Variants in ARF4 observed in about 807,000 individuals in gnomAD.
The protein encoded by ARF4 is ADP-ribosylation factor 4.
Under a neutral mutation model 24.3 loss-of-function variants are expected in ARF4, and 5 were observed. The ratio of observed to expected loss-of-function variants is 0.21; its 90% CI spans 0.11 to 0.43. The LOEUF is 0.43. ARF4 is among the 20% of genes least tolerant of loss of function. The pLI, the probability that ARF4 is intolerant of heterozygous loss-of-function variation, is 1.00. For missense variants in ARF4, 107 were observed against 213.0 expected, an observed-to-expected ratio of 0.50 and a Z score of 3.10; for synonymous variants, 62 against 73.5, an observed-to-expected ratio of 0.84 and a Z score of 0.80.
At chr3:57,587,795 A>G (rs2070057137) in intron 1 of ARF4, among the ~76,000 whole-genome samples, 1 of 152,230 alleles carries the variant, frequency 6.6e-6, no homozygotes, top group Non-Finnish European at 1.5e-5. Context: ...TTAAGTATCC[A>G]CAAATTATTT....
intron 1 of ARF4, among the ~76,000 whole-genome samples, chr3:57,590,400 C>A (rs113572012): frequency 0.14 from 20,490 of 151,030 alleles, 1,470 homozygotes; most frequent in South Asian, 0.21. Context: ...GCAGGAGAAT[C>A]GCTTGAACCC....
intron 1 of ARF4, among the ~76,000 whole-genome samples, chr3:57,588,914 C>A (rs1283706430): frequency 6.6e-6 from 1 of 152,102 alleles, no homozygotes; most frequent in Admixed American, 6.6e-5. Context: ...ACCAGCCTGA[C>A]CAACATGGAG....
At chr3:57,589,459 C>T (rs2070079123) in intron 1 of ARF4, among the ~76,000 whole-genome samples, 1 of 152,202 alleles carries the variant, frequency 6.6e-6, no homozygotes, top group African/African-American at 2.4e-5. Context: ...GTGGCTCACA[C>T]CTGTAATCCC....
intron 5 of ARF4, among the ~76,000 whole-genome samples, chr3:57,573,274 C>T (rs950189689): frequency 6.6e-6 from 1 of 151,830 alleles, no homozygotes; most frequent in Non-Finnish European, 1.5e-5. Context: ...CAGACAATTT[C>T]ACCATCTTTA....
chr3:57,575,305 C>CAA (rs11294059), intron 5 of ARF4, among the ~76,000 whole-genome samples: 10 of 135,008 alleles, frequency 7.4e-5, no homozygotes, highest in African/African-American at 2.8e-4. Context: ...CCTCTCCCTT[C>CAA]AAAAAAAAAA....
At position 57,582,247 on chromosome 3, in the gene ARF4, A is replaced by G. The variant is rs557816896; in HGVS notation, c.258+1651T>C. On this transcript the variant is annotated intron_variant, in intron 3 of 5. Coordinates refer to ENST00000303436, the MANE Select transcript of ARF4 (RefSeq NM_001660.4). The stretch of plus-strand genomic sequence containing the variant: ...TATTGATGACCATAAACATTCTACT[A>G]TTTTTTTTTTTTTGAGACAGAGTCT... Among the ~76,000 whole-genome samples the G allele has an allele frequency of 2.8e-5, 4 of 144,540 alleles. No homozygotes were observed. In the South Asian group the frequency reaches 8.7e-4, roughly 31 times the overall value. 94.8% of individuals were successfully genotyped at this position (144,540 alleles called of 152,430 possible). A position where few individuals can be genotyped will look rare whatever the true frequency, so the allele number is the denominator to read the frequency against.
Position 57,583,820 on chromosome 3 carries a change from T to A in ARF4, c.258+78A>T, listed in dbSNP as rs1008450232. On this transcript the variant is annotated intron_variant, in intron 3 of 5. Coordinates refer to ENST00000303436, the MANE Select transcript of ARF4 (RefSeq NM_001660.4). ...CTCATAGTAAACACCAATATCCAAG[T>A]AAATACTAGATACTAATAAAAACTT... 6 of 986,288 alleles carry A rather than the reference T, an allele frequency of 6.1e-6. No homozygotes were observed. In the African/African-American group the frequency reaches 1.0e-4, roughly 16 times the overall value. The allele number at this position is 986,288 out of a possible 1,614,324, so 61.1% of individuals were successfully genotyped here.
At chr3:57,583,564 A>G (rs1350644245) in intron 3 of ARF4, among the ~76,000 whole-genome samples, 1 of 152,230 alleles carries the variant, frequency 6.6e-6, no homozygotes, top group African/African-American at 2.4e-5. Context: ...TACATTCATC[A>G]GAAACTACAA....
chr3:57,581,127 A>G lies in ARF4; in HGVS notation c.258+2771T>C, dbSNP rs186195799. On this transcript the variant is annotated intron_variant, in intron 3 of 5. Coordinates refer to ENST00000303436, the MANE Select transcript of ARF4 (RefSeq NM_001660.4). ...TTACAATGGCAAATTAGTTGGAATT[A>G]TAAGAGGAATTTACTACACACTGTG... Among the ~76,000 whole-genome samples, 853 of 152,366 alleles carry G rather than the reference A, an allele frequency of 5.6e-3. 7 individuals carry two copies. The highest frequency in any genetic ancestry group is 8.7e-3 in the Non-Finnish European group (589 of 68,042).
chr3:57,583,754 T>A, intron 3 of ARF4, 144 bp downstream of exon 3: 2 of 649,698 alleles, frequency 3.1e-6, no homozygotes, highest in South Asian at 1.9e-5. Flanking sequence ...TAAGTGAGAG[T>A]CCACTGAAGA....
At chr3:57,580,590 TA>T (rs2069958520) in intron 3 of ARF4, among the ~76,000 whole-genome samples, 1 of 151,512 alleles carries the variant, frequency 6.6e-6, no homozygotes, top group East Asian at 2.0e-4. Context: ...TTTTTTTTTG[TA>T]GAGACAGGGT....
rs571410273 is a variant in ARF4 at position 57,574,192 on chromosome 3, G to C, written c.456+1356C>G. ...CTGACCTCATGATCCACCCACCTCA[G>C]CCTCCTAAAGTGCTGGGATTACAGG... On this transcript the variant is annotated intron_variant, in intron 5 of 5. Transcript: ENST00000303436. Among the ~76,000 whole-genome samples, 262 of 152,152 alleles carry C rather than the reference G, an allele frequency of 1.7e-3. 2 individuals carry two copies. In the Middle Eastern group the frequency reaches 0.031, roughly 18 times the overall value.
At chr3:57,573,724 C>A (rs1032920229) in intron 5 of ARF4, among the ~76,000 whole-genome samples, 1 of 151,528 alleles carries the variant, frequency 6.6e-6, no homozygotes, top group Admixed American at 6.6e-5. Flanking sequence ...TGGGGTTACA[C>A]ACATGCACCA....
chr3:57,572,051 A>G lies in ARF4; in HGVS notation c.*161T>C. ...AAACCAAGCACATTGCTAAATAGCA[A>G]CATTATACTCGGTAAACAATAATTG... On this transcript the variant is annotated 3_prime_UTR_variant, in exon 6 of 6. Transcript: ENST00000303436. 2 of 580,712 alleles carry G rather than the reference A, an allele frequency of 3.4e-6. No individual in the cohort carries two copies. The highest frequency in any genetic ancestry group is 6.1e-6 in the Non-Finnish European group (2 of 325,960). 36.0% of individuals were successfully genotyped at this position (580,712 alleles called of 1,614,324 possible). A position where few individuals can be genotyped will look rare whatever the true frequency, so the allele number is the denominator to read the frequency against.
intron 1 of ARF4, among the ~76,000 whole-genome samples, chr3:57,588,192 A>G (rs1051536077): frequency 6.6e-6 from 1 of 152,214 alleles, no homozygotes; most frequent in Admixed American, 6.5e-5. Context: ...AACTGTATTT[A>G]AAGATGTACT....
intron 1 of ARF4, among the ~76,000 whole-genome samples, chr3:57,591,969 T>C (rs984899489): frequency 6.6e-6 from 1 of 152,132 alleles, no homozygotes; most frequent in Non-Finnish European, 1.5e-5. Context: ...ATTCTGGAAT[T>C]AGACAATGGT....
chr3:57,596,293 G>A (rs186800453), intron 1 of ARF4, among the ~76,000 whole-genome samples: 1 of 152,088 alleles, frequency 6.6e-6, no homozygotes, highest in African/African-American at 2.4e-5. Context: ...AAATTTATCA[G>A]GTATTTTTTA....
chr3:57,592,628 G>A (rs933752412), intron 1 of ARF4, among the ~76,000 whole-genome samples: 2 of 152,136 alleles, frequency 1.3e-5, no homozygotes, highest in Non-Finnish European at 2.9e-5. Flanking sequence ...TTAATTAGCA[G>A]CAAATTATCA....
chr3:57,575,544 T>G lies in ARF4; in HGVS notation c.456+4A>C. The G allele has an allele frequency of 6.2e-7, 1 of 1,609,534 alleles. No homozygotes were observed. The highest frequency in any genetic ancestry group is 8.5e-7 in the Non-Finnish European group (1 of 1,178,556). ...GAGGTTAATATCAACCTCCAAATAC[T>G]TACTGTTCTGTTACGAAGAGACTGA... On this transcript the variant is annotated splice_donor_region_variant and intron_variant, in intron 5 of 5. Transcript: ENST00000303436.
Sources: gnomAD v4.1 joint callset for allele counts (sites outside exome capture counted in the v4.1 genomes callset) on GRCh38, gnomAD v4.1.1 for gene constraint, MANE v1.5 for transcripts, NCBI Gene and HGNC (gene_info 2026-07-23, HGNC 2026-07-21) for gene names.